Variants in CELF2 observed in about 807,000 individuals in gnomAD.
The protein encoded by CELF2 is CUG triplet repeat RNA-binding protein 2.
A neutral mutation model predicts 62.6 loss-of-function variants in CELF2; 8 were observed. That is an observed-to-expected ratio of 0.13 (90% confidence interval 0.07 to 0.23). The LOEUF is 0.23. Among genes scored for constraint, CELF2 ranks in the 10% least tolerant of loss-of-function variants. The pLI, the probability that CELF2 is intolerant of heterozygous loss-of-function variation, is 1.00. For synonymous variants in CELF2, 258 were observed against 250.0 expected, an observed-to-expected ratio of 1.03 and a Z score of -0.30; for missense variants, 333 against 671.0, an observed-to-expected ratio of 0.50 and a Z score of 5.56.
intron 8 of CELF2, among the ~76,000 whole-genome samples, chr10:11,275,910 G>A (rs566911089): frequency 2.6e-5 from 4 of 152,240 alleles, no homozygotes; most frequent in Non-Finnish European, 4.4e-5. Flanking sequence ...CGTGAGGAAC[G>A]GTCAGAGAGC....
At chr10:10,770,020 T>A in the CELF2 span, among the ~76,000 whole-genome samples, 1 of 152,052 alleles carries the variant, frequency 6.6e-6, no homozygotes, top group African/African-American at 2.4e-5. Context: ...AGCTTAGAGA[T>A]ATTGTAAGTA....
chr10:11,160,666 A>G (rs1040457108), intron 1 of CELF2, among the ~76,000 whole-genome samples: 1 of 146,428 alleles, frequency 6.8e-6, no homozygotes, highest in African/African-American at 2.5e-5. Flanking sequence ...AAAAAAAAAG[A>G]GTATTGGAGT....
At chr10:11,126,032 T>C (rs2058633782) in intron 1 of CELF2, among the ~76,000 whole-genome samples, 1 of 152,206 alleles carries the variant, frequency 6.6e-6, no homozygotes, top group South Asian at 2.1e-4. Flanking sequence ...TTCTGTTCAC[T>C]TGACGTAAAA....
At position 11,247,403 on chromosome 10, in the gene CELF2, A is replaced by C. The variant is rs1411469581; in HGVS notation, c.355-1750A>C. 6.6e-6 allele frequency among the ~76,000 whole-genome samples: 1 copy of C among 152,122 alleles called. No individual in the cohort carries two copies. Among genetic ancestry groups the C allele is most frequent in the Non-Finnish European group, 1.5e-5 (1 of 68,014 alleles). The stretch of plus-strand genomic sequence containing the variant: ...GAGTTTCACATGCCGGCCCCCCTTC[A>C]GTGCTCGCACGTCCAAGGACTCGGC... On this transcript the variant is annotated intron_variant, in intron 3 of 12. Transcript: ENST00000633077. The surrounding 1 kb of genome is among the most constrained non-coding windows in gnomAD (Gnocchi z 5.4).
At chr10:11,042,293 G>C (rs1295064681) in intron 1 of CELF2, among the ~76,000 whole-genome samples, 1 of 152,242 alleles carries the variant, frequency 6.6e-6, no homozygotes, top group Non-Finnish European at 1.5e-5. Context: ...AAACTGGGCA[G>C]TCAAAGGTTA....
At chr10:10,493,967 CAGA>C in the CELF2 span, among the ~76,000 whole-genome samples, 2 of 152,174 alleles carry the variant, frequency 1.3e-5, no homozygotes, top group Non-Finnish European at 2.9e-5. Flanking sequence ...CCATCCAAAG[CAGA>C]AGATGTGCTG....
chr10:11,068,652 C>G (rs1462215711), intron 1 of CELF2, among the ~76,000 whole-genome samples: 3 of 152,002 alleles, frequency 2.0e-5, no homozygotes, highest in African/African-American at 7.3e-5. Context: ...GTTCTGCTTC[C>G]TGGGTTCACG....
At chr10:11,094,557 G>C (rs113665897) in intron 1 of CELF2, among the ~76,000 whole-genome samples, 1,680 of 152,280 alleles carry the variant, frequency 0.011, 37 homozygotes, top group African/African-American at 0.038. Flanking sequence ...ATAGCAACCA[G>C]CTTTTTCCTG....
intron 1 of CELF2, among the ~76,000 whole-genome samples, chr10:11,042,255 G>A (rs1242920126): frequency 6.6e-6 from 1 of 152,184 alleles, no homozygotes; most frequent in Non-Finnish European, 1.5e-5. Flanking sequence ...TTAAAGCCTG[G>A]CAGCACTGTT....
At chr10:10,560,438 T>C in the CELF2 span, among the ~76,000 whole-genome samples, 3 of 152,316 alleles carry the variant, frequency 2.0e-5, no homozygotes, top group South Asian at 2.1e-4. Context: ...AATGTGACTT[T>C]AGTCCAGCTT....
the CELF2 span, among the ~76,000 whole-genome samples, chr10:10,721,343 T>G: frequency 6.6e-6 from 1 of 152,232 alleles, no homozygotes; most frequent in African/African-American, 2.4e-5. Context: ...CCTGTTAATC[T>G]ACACGGAGAT....
chr10:10,562,862 C>T, the CELF2 span, among the ~76,000 whole-genome samples: 11 of 151,030 alleles, frequency 7.3e-5, no homozygotes, highest in South Asian at 4.2e-4. Flanking sequence ...CTATCTTTCT[C>T]AGGCTTGCCA....
chr10:11,188,497 CTT>C (rs2075554666), intron 2 of CELF2, among the ~76,000 whole-genome samples: 1 of 152,184 alleles, frequency 6.6e-6, no homozygotes, highest in African/African-American at 2.4e-5. Context: ...TGTCTTCTCA[CTT>C]GTATTGTTTC....
At chr10:11,104,980 G>A (rs577442306) in intron 1 of CELF2, among the ~76,000 whole-genome samples, 1 of 152,276 alleles carries the variant, frequency 6.6e-6, no homozygotes, top group African/African-American at 2.4e-5. Flanking sequence ...TCTGAAGCTG[G>A]TCCACTGTCA....
chr10:10,664,023 T>G, the CELF2 span, among the ~76,000 whole-genome samples: 1 of 152,108 alleles, frequency 6.6e-6, no homozygotes, highest in Non-Finnish European at 1.5e-5. Context: ...AGTTTAAGAA[T>G]ATAAACCACG....
the CELF2 span, among the ~76,000 whole-genome samples, chr10:10,632,120 A>T: frequency 6.6e-6 from 1 of 152,192 alleles, no homozygotes; most frequent in Non-Finnish European, 1.5e-5. Context: ...TTTGTTTTCA[A>T]ATGCCAAAAT....
the CELF2 span, among the ~76,000 whole-genome samples, chr10:10,608,777 A>T: frequency 1.3e-5 from 2 of 152,188 alleles, no homozygotes; most frequent in African/African-American, 4.8e-5. Context: ...ACTCCGCCAC[A>T]TATCTTTCTG....
chr10:11,186,667 AC>A (rs1462391382), intron 2 of CELF2, among the ~76,000 whole-genome samples: 2 of 152,140 alleles, frequency 1.3e-5, no homozygotes, highest in East Asian at 3.8e-4. Flanking sequence ...ATGCTCTAAA[AC>A]CTGAAATTTT....
chr10:11,096,420 A>T (rs1180804935), intron 1 of CELF2: 1 of 152,232 alleles, frequency 6.6e-6, no homozygotes, highest in Non-Finnish European at 1.5e-5. Context: ...TGTAGAAGGG[A>T]AACTGCATTG....
Sources: gnomAD v4.1 joint callset for allele counts (sites outside exome capture counted in the v4.1 genomes callset) on GRCh38, gnomAD v4.1.1 for gene constraint, Gnocchi (gnomAD v3.1) non-coding constraint, MANE v1.5 for transcripts, NCBI Gene and HGNC (gene_info 2026-07-23, HGNC 2026-07-21) for gene names.